PCDH7: variants seen among roughly 807,000 people sequenced by gnomAD.
PCDH7 encodes the protein protocadherin-7.
PCDH7 carries 17 observed loss-of-function variants against 58.9 expected under a neutral mutation model. The observed-to-expected ratio is 0.29, with a 90% CI of 0.20 to 0.43. The LOEUF is 0.43. Ranked by LOEUF, PCDH7 falls within the 20% of genes least tolerant of loss-of-function variation. PCDH7 has a pLI of 1.00. For synonymous variants in PCDH7, 664 were observed against 616.4 expected, an observed-to-expected ratio of 1.08 and a Z score of -1.14; for missense variants, 1,274 against 1,441.0, an observed-to-expected ratio of 0.88 and a Z score of 1.88.
intron 3 of PCDH7, among the ~76,000 whole-genome samples, chr4:31,133,784 T>A (rs911948143): frequency 6.6e-6 from 1 of 152,316 alleles, no homozygotes; most frequent in South Asian, 2.1e-4. Flanking sequence ...CTGCTTGAGA[T>A]GTGGCGTACA....
chr4:30,948,608 G>A (rs1413981608), intron 2 of PCDH7, among the ~76,000 whole-genome samples: 1 of 152,072 alleles, frequency 6.6e-6, no homozygotes, highest in Non-Finnish European at 1.5e-5. Context: ...AGAATCCCAA[G>A]CAATGGTGCA....
In PCDH7 at chr4:31,033,188, T is replaced by C. The variant is rs1166144798; in HGVS notation, c.*7+82973T>C. 2.1e-5 allele frequency among the ~76,000 whole-genome samples: 3 copies of C among 144,504 alleles called. No individual in the cohort carries two copies. The East Asian group carries it at 5.8e-4, about 28-fold the overall frequency. The allele number at this position is 144,504 out of a possible 152,430, so 94.8% of individuals were successfully genotyped here. A position where few individuals can be genotyped will look rare whatever the true frequency, so the allele number is the denominator to read the frequency against. On this transcript the variant is annotated intron_variant, in intron 3 of 3. Coordinates refer to the PCDH7 transcript ENST00000509759. ...AAGCTTCATGTAAAGCCAATAGAAA[T>C]GTACGTTTGTTAGGTCCTTAAAAGT...
intron 1 of PCDH7, among the ~76,000 whole-genome samples, chr4:30,810,243 G>A (rs1422589755): frequency 1.3e-5 from 2 of 152,018 alleles, no homozygotes; most frequent in Non-Finnish European, 2.9e-5. Context: ...GAGACATCTT[G>A]TAACATATAG....
intron 3 of PCDH7, among the ~76,000 whole-genome samples, chr4:31,089,323 G>GA (rs1339841091): frequency 1.4e-4 from 22 of 152,054 alleles, no homozygotes; most frequent in African/African-American, 5.3e-4. Context: ...AATAAATACA[G>GA]AAAAAACACA....
chr4:30,919,249 C>T (rs763762872), intron 1 of PCDH7, among the ~76,000 whole-genome samples: 1 of 151,844 alleles, frequency 6.6e-6, no homozygotes, highest in Non-Finnish European at 1.5e-5. Flanking sequence ...TTATGTAGCA[C>T]TGTCAATACA....
intron 1 of PCDH7, among the ~76,000 whole-genome samples, chr4:30,810,666 C>T (rs1173938729): frequency 6.7e-6 from 1 of 149,682 alleles, no homozygotes; most frequent in Non-Finnish European, 1.5e-5. Flanking sequence ...GGCTGGAGTG[C>T]AGTGGTGCAA....
intron 3 of PCDH7, among the ~76,000 whole-genome samples, chr4:31,022,283 A>G (rs1028802818): frequency 6.6e-6 from 1 of 152,172 alleles, no homozygotes; most frequent in African/African-American, 2.4e-5. Flanking sequence ...TCTTAGCACC[A>G]TGGAGATTTT....
At chr4:31,122,825 G>C (rs927952524) in intron 3 of PCDH7, among the ~76,000 whole-genome samples, 1 of 151,806 alleles carries the variant, frequency 6.6e-6, no homozygotes, top group African/African-American at 2.4e-5. Flanking sequence ...TGGGGGAAAT[G>C]AGAGATTATA....
At position 31,069,784 on chromosome 4, in the gene PCDH7, T is replaced by G. The variant is rs540624627; in HGVS notation, c.*8-72689T>G. Among the ~76,000 whole-genome samples the G allele has an allele frequency of 4.6e-4, 70 of 152,062 alleles. 1 individual carries two copies. The highest frequency in any genetic ancestry group is 1.6e-3 in the African/African-American group (68 of 41,532). On this transcript the variant is annotated intron_variant, in intron 3 of 3. Coordinates refer to the PCDH7 transcript ENST00000509759. ...GTCATGGTTGTACTTATGTTAATTT[T>G]AAGTATTAATCCATAAGATAGTATG...
At chr4:30,862,196 G>T (rs551100006) in intron 1 of PCDH7, among the ~76,000 whole-genome samples, 1 of 152,154 alleles carries the variant, frequency 6.6e-6, no homozygotes, top group Non-Finnish European at 1.5e-5. Flanking sequence ...ATAAGGTGTT[G>T]ATAATGATTA....
intron 3 of PCDH7, among the ~76,000 whole-genome samples, chr4:30,958,077 A>T (rs1748032189): frequency 6.6e-6 from 1 of 151,718 alleles, no homozygotes; most frequent in Non-Finnish European, 1.5e-5. Context: ...AGTGGAAAAG[A>T]TAGATCAAAA....
intron 1 of PCDH7, among the ~76,000 whole-genome samples, chr4:30,842,517 A>T (rs1237463757): frequency 6.6e-6 from 1 of 152,184 alleles, no homozygotes; most frequent in African/African-American, 2.4e-5. Flanking sequence ...TATATGCATT[A>T]TTATATCCCC....
intron 3 of PCDH7, among the ~76,000 whole-genome samples, chr4:31,004,320 CAT>C (rs1204851632): frequency 1.3e-5 from 2 of 152,132 alleles, no homozygotes; most frequent in African/African-American, 4.8e-5. Context: ...GCCATACACA[CAT>C]GATAGCTCAT....
chr4:30,916,718 A>G (rs1332574442), intron 1 of PCDH7, among the ~76,000 whole-genome samples: 1 of 152,188 alleles, frequency 6.6e-6, no homozygotes, highest in Middle Eastern at 3.2e-3. Flanking sequence ...CCTGGAAACT[A>G]TTTTATACCC....
intron 1 of PCDH7, among the ~76,000 whole-genome samples, chr4:30,829,435 G>A (rs1229268691): frequency 6.6e-6 from 1 of 152,060 alleles, no homozygotes; most frequent in Non-Finnish European, 1.5e-5. Flanking sequence ...AGAAGAAGTT[G>A]AGGGGCAGTT....
chr4:30,832,430 GA>G (rs1187490129), intron 1 of PCDH7, among the ~76,000 whole-genome samples: 1 of 152,098 alleles, frequency 6.6e-6, no homozygotes, highest in East Asian at 1.9e-4. Context: ...TGAATAATGT[GA>G]TATTATATTA....
At chr4:30,985,648 G>T (rs564257090) in intron 3 of PCDH7, among the ~76,000 whole-genome samples, 5 of 152,256 alleles carry the variant, frequency 3.3e-5, no homozygotes, top group Admixed American at 1.3e-4. Context: ...TTTGTATGAA[G>T]CATGTAGCAT....
chr4:30,777,336 T>A (rs1009124992), intron 1 of PCDH7, among the ~76,000 whole-genome samples: 2 of 152,118 alleles, frequency 1.3e-5, no homozygotes, highest in Non-Finnish European at 2.9e-5. Context: ...CAGCAGAAAA[T>A]TTTTAAAAAG....
intron 3 of PCDH7, among the ~76,000 whole-genome samples, chr4:31,060,321 C>A (rs934235545): frequency 8.6e-5 from 13 of 151,822 alleles, no homozygotes; most frequent in African/African-American, 3.1e-4. Context: ...TATTTGGGGT[C>A]ACTTAATTAT....
Sources: gnomAD v4.1 joint callset for allele counts (sites outside exome capture counted in the v4.1 genomes callset) on GRCh38, gnomAD v4.1.1 for gene constraint, MANE v1.5 for transcripts, NCBI Gene and HGNC (gene_info 2026-07-23, HGNC 2026-07-21) for gene names.